The following ACTL6B variants were observed in gnomAD, a reference collection of about 807,000 sequenced individuals.
ACTL6B encodes actin like 6B.
In ACTL6B, 48 loss-of-function variants were observed where a neutral mutation model predicts 63.3. The observed-to-expected ratio is 0.76, with a 90% CI of 0.60 to 0.96. The LOEUF is 0.96. Among genes scored for constraint, ACTL6B ranks in the 50% least tolerant of loss-of-function variants. The pLI is 0.00. For synonymous variants in ACTL6B, 230 were observed against 223.8 expected (o/e 1.03, Z -0.25); for missense variants, 350 against 572.2 (o/e 0.61, Z 3.96).
At position 100,646,211 on chromosome 7, in the gene ACTL6B, C is replaced by T. The variant is rs1803818651; in HGVS notation, c.1200+38G>A. ...GGCACTGTCTGGGTCTCCCCTCTCC[C>T]CCACAGTCAGTGCTAGGCCAGGTCC... On this transcript the variant is annotated intron_variant, in intron 13 of 13. Coordinates refer to ENST00000160382, the MANE Select transcript of ACTL6B (RefSeq NM_016188.5). This position sits in a 1 kb window ranked among gnomAD's most constrained non-coding sequence, Gnocchi z 6.1. 1 of 1,576,626 alleles carries T rather than the reference C, an allele frequency of 6.3e-7. No individual in the cohort carries two copies. The highest frequency in any genetic ancestry group is 1.3e-5 in the African/African-American group (1 of 74,150).
intron 1 of ACTL6B, 131 bp downstream of exon 1, chr7:100,656,199 G>T (rs1804037328): frequency 1.8e-6 from 2 of 1,132,608 alleles, no homozygotes; most frequent in African/African-American, 1.6e-5. Flanking sequence ...CAGGGGTGGC[G>T]GGAGACCCGA....
rs542738129 is a variant in ACTL6B, at chr7:100,648,943, T to C, written c.468-120A>G. On this transcript the variant is annotated intron_variant, in intron 5 of 13. Transcript: ENST00000160382. This position sits in a 1 kb window ranked among gnomAD's most constrained non-coding sequence, Gnocchi z 4.4. ...AGCCCATCCCCAGTCTGCAAATCTCTCCCCCTGGTGATGACTCATCTCCTG... is the reference window on the plus strand; with the variant it reads ...AGCCCATCCCCAGTCTGCAAATCTCCCCCCCTGGTGATGACTCATCTCCTG... The C allele has an allele frequency of 4.4e-6, 4 of 914,744 alleles. No homozygotes were observed. The highest frequency in any genetic ancestry group is 3.4e-5 in the African/African-American group (2 of 58,916). 56.7% of individuals were successfully genotyped at this position (914,744 alleles called of 1,614,324 possible).
intron 1 of ACTL6B, among the ~76,000 whole-genome samples, 175 bp downstream of exon 1, chr7:100,656,155 C>T (rs1161164106): frequency 6.6e-6 from 1 of 152,234 alleles, no homozygotes; most frequent in Non-Finnish European, 1.5e-5. Context: ...AGGTAGGGCC[C>T]TGTGCGCGCG....
intron 4 of ACTL6B, among the ~76,000 whole-genome samples, chr7:100,650,567 T>A (rs1166058322): frequency 6.6e-6 from 1 of 151,992 alleles, no homozygotes; most frequent in Non-Finnish European, 1.5e-5. Flanking sequence ...CCAGACAGGG[T>A]GGCTTACGCC....
Position 100,648,844 on chromosome 7 carries a change from CA to C in ACTL6B, c.468-22del, listed in dbSNP as rs1803875273. ...CAAAGCTGGCATCGGATGGGTAAGT[CA>C]AAGAGACAGCAGCAGCAAGTGAGGG... is the stretch of plus-strand genomic sequence containing the variant. On this transcript the variant is annotated intron_variant, in intron 5 of 13. Transcript: ENST00000160382. The surrounding 1 kb of genome is among the most constrained non-coding windows in gnomAD (Gnocchi z 4.4). 4 of 1,607,564 alleles carry C rather than the reference CA, an allele frequency of 2.5e-6. No homozygotes were observed. The East Asian group carries it at 8.9e-5, about 36-fold the overall frequency.
At position 100,655,926 on chromosome 7, in the gene ACTL6B, C is replaced by G; in HGVS notation, c.26-47G>C. On this transcript the variant is annotated intron_variant, in intron 1 of 13. Coordinates refer to ENST00000160382, the MANE Select transcript of ACTL6B (RefSeq NM_016188.5). The surrounding 1 kb of genome is among the most constrained non-coding windows in gnomAD (Gnocchi z 4.4). ...TAAGGGGACCTCCCCCGAACTCTCT[C>G]CCGCTAGGTAGCTCCGAGAGAAAGT... The G allele has an allele frequency of 6.5e-7, 1 of 1,529,744 alleles. No individual in the cohort carries two copies. The highest frequency in any genetic ancestry group is 8.8e-7 in the Non-Finnish European group (1 of 1,132,540). The allele number at this position is 1,529,744 out of a possible 1,614,324, so 94.8% of individuals were successfully genotyped here. A position where few individuals can be genotyped will look rare whatever the true frequency, so the allele number is the denominator to read the frequency against.
chr7:100,644,187 A>C (rs897640479), intron 13 of ACTL6B, among the ~76,000 whole-genome samples: 10 of 152,170 alleles, frequency 6.6e-5, no homozygotes, highest in Non-Finnish European at 1.2e-4. Context: ...AGCGTGAGCC[A>C]CCGCGCCCAG....
At chr7:100,643,408 C>A in intron 13 of ACTL6B, 82 bp from the exon 14 acceptor site, 1 of 1,405,412 alleles carries the variant, frequency 7.1e-7, no homozygotes, top group Non-Finnish European at 1.0e-6. Context: ...GGGAATCCTC[C>A]AACAGGCCCC....
chr7:100,652,830 G>A lies in ACTL6B; in HGVS notation c.369+2189C>T, dbSNP rs930889943. ...ATCCCGGCCAACATGGTGAAACCCC[G>A]TCTCTACTAAAAATACAAAAATTAG... On this transcript the variant is annotated intron_variant, in intron 4 of 13. Coordinates refer to ENST00000160382, the MANE Select transcript of ACTL6B (RefSeq NM_016188.5). Among the ~76,000 whole-genome samples the A allele has an allele frequency of 7.4e-5, 11 of 149,324 alleles. No individual in the cohort carries two copies. In the South Asian group the frequency reaches 1.1e-3, roughly 14 times the overall value.
intron 4 of ACTL6B, among the ~76,000 whole-genome samples, chr7:100,653,621 G>A (rs999323128): frequency 2.6e-5 from 4 of 152,120 alleles, no homozygotes; most frequent in Non-Finnish European, 5.9e-5. Context: ...CAACCTGGGT[G>A]ACAAACTGAG....
chr7:100,644,159 C>A (rs1398948867), intron 13 of ACTL6B, among the ~76,000 whole-genome samples: 1 of 152,192 alleles, frequency 6.6e-6, no homozygotes, highest in Non-Finnish European at 1.5e-5. Flanking sequence ...CTCGGCCTCC[C>A]AAAGTGCTGG....
intron 1 of ACTL6B, 96 bp downstream of exon 1, chr7:100,656,234 G>T: frequency 7.7e-7 from 1 of 1,297,594 alleles, no homozygotes. Context: ...CCGCTCGTGC[G>T]CGGAGGTGAC....
In ACTL6B at chr7:100,648,801, C is replaced by T. The variant is rs752730282; in HGVS notation, c.490G>A (p.Gly164Ser). The change falls in exon 6 of 14, where the codon GGC (glycine) becomes AGC (serine). Residue 164 changes from glycine to serine, a missense_variant. By Grantham distance (56) the Gly-to-Ser change is moderately conservative. This residue lies in a region of ACTL6B where 250 missense variants were observed against 364.7 expected (regional missense o/e 0.69). Transcript: ENST00000160382. The surrounding 1 kb of genome is among the most constrained non-coding windows in gnomAD (Gnocchi z 4.4). ...LTAFANGRST[G>S]LVLDSGATHT... The stretch of plus-strand genomic sequence containing the variant: ...GTGGCTCCACTGTCCAGCACGAGGC[C>T]AGTGGACCGCCCGTTTGCAAAGCTG... The T allele has an allele frequency of 3.1e-6, 5 of 1,613,814 alleles. No homozygotes were observed.
intron 4 of ACTL6B, among the ~76,000 whole-genome samples, chr7:100,651,609 A>G (rs1803942087): frequency 6.6e-6 from 1 of 151,478 alleles, no homozygotes; most frequent in Non-Finnish European, 1.5e-5. Context: ...TTTTAAATGG[A>G]GTCTCACTCT....
At chr7:100,649,820 C>T in intron 5 of ACTL6B, 1 of 508,382 alleles carries the variant, frequency 2.0e-6, no homozygotes, top group Non-Finnish European at 3.6e-6. Flanking sequence ...TCAGCCTGAT[C>T]CGGGGAACCG....
In ACTL6B at chr7:100,648,763, G is replaced by A; in HGVS notation, c.528C>T (p.Ala176=). ...VLDSGATHTT[A]IPVHDGYVLQ... ...GAACGTAGCCGTCATGTACTGGAATGGCCGTGGTGTGGGTGGCTCCACTGT... is the reference window on the plus strand; with the variant it reads ...GAACGTAGCCGTCATGTACTGGAATAGCCGTGGTGTGGGTGGCTCCACTGT... Residue 176 remains alanine (A), a synonymous_variant, in exon 6 of 14, where the codon GCC becomes GCT. Coordinates refer to ENST00000160382, the MANE Select transcript of ACTL6B (RefSeq NM_016188.5). The surrounding 1 kb of genome is among the most constrained non-coding windows in gnomAD (Gnocchi z 4.4). 1 of 1,614,106 alleles carries A rather than the reference G, an allele frequency of 6.2e-7. No homozygotes were observed. Among genetic ancestry groups the A allele is most frequent in the Non-Finnish European group, 8.5e-7 (1 of 1,180,008 alleles).
rs141744248 is a variant in ACTL6B, at chr7:100,650,322, GCACA to G, written c.370-191_370-188del. ...CGGTCATACACACATGCATTCACTT[GCACA>G]CACACACACATACACTCAAACACAC... On this transcript the variant is annotated intron_variant, in intron 4 of 13. Transcript: ENST00000160382. 4.0e-3 allele frequency among the ~76,000 whole-genome samples: 595 copies of G among 149,600 alleles called. 3 individuals carry two copies. Among genetic ancestry groups the G allele is most frequent in the African/African-American group, 0.012 (494 of 40,694 alleles).
Position 100,655,852 on chromosome 7 carries a change from A to T in ACTL6B, c.53T>A (p.Ile18Asn). 1 of 1,575,142 alleles carries T rather than the reference A, an allele frequency of 6.3e-7. No homozygotes were observed. The highest frequency in any genetic ancestry group is 1.2e-5 in the South Asian group (1 of 85,852). ...GDEVGALVFD[I>N]GSFSVRAGYA... ...CCCAGCGCGGACTGAGAAGGAGCCA[A>T]TGTCAAAGACCAGCGCCCCCACCTC... The change falls in exon 2 of 14, where the codon ATT (isoleucine) becomes AAT (asparagine). Residue 18 changes from isoleucine to asparagine, a missense_variant. By Grantham distance (149) the Ile-to-Asn change is moderately radical. Transcript: ENST00000160382. This position sits in a 1 kb window ranked among gnomAD's most constrained non-coding sequence, Gnocchi z 4.4.
Position 100,648,723 on chromosome 7 carries a change from C to T in ACTL6B, c.562+6G>A. 2 of 1,614,074 alleles carry T rather than the reference C, an allele frequency of 1.2e-6. No homozygotes were observed. Among genetic ancestry groups the T allele is most frequent in the South Asian group, 1.1e-5 (1 of 91,070 alleles). On this transcript the variant is annotated splice_donor_region_variant and intron_variant, in intron 6 of 13. Transcript: ENST00000160382. This position sits in a 1 kb window ranked among gnomAD's most constrained non-coding sequence, Gnocchi z 4.4. ...GGAGCACCCCCACCCCCTGCCGAAG[C>T]CCCACCTTGCTGCAGAACGTAGCCG...
Sources: allele counts gnomAD v4.1 joint callset (sites outside exome capture counted in the v4.1 genomes callset), GRCh38; gene constraint gnomAD v4.1.1; regional missense constraint gnomAD v4.1.1; non-coding constraint Gnocchi (gnomAD v3.1); transcripts MANE v1.5; gene names NCBI Gene and HGNC (gene_info 2026-07-23, HGNC 2026-07-21).